Variants in KIT observed in about 807,000 individuals in gnomAD.
KIT encodes mast/stem cell growth factor receptor Kit.
Under a neutral mutation model 105.7 loss-of-function variants are expected in KIT, and 16 were observed. That is an observed-to-expected ratio of 0.15 (90% CI 0.10 to 0.23). The LOEUF is 0.23. KIT is among the 10% of genes least tolerant of loss of function. The probability of loss-of-function intolerance (pLI) is 1.00; values close to 1 mark genes in which losing one functional copy is unlikely to be tolerated. For synonymous variants in KIT, 438 were observed against 441.1 expected, an observed-to-expected ratio of 0.99 and a Z score of 0.09; for missense variants, 858 against 1,213.8, an observed-to-expected ratio of 0.71 and a Z score of 4.36.
At chr4:54,715,748 A>T (rs1482482537) in intron 7 of KIT, among the ~76,000 whole-genome samples, 1 of 152,190 alleles carries the variant, frequency 6.6e-6, no homozygotes, top group Non-Finnish European at 1.5e-5. Context: ...GGGGACAAAT[A>T]TTCAAACTGT....
chr4:54,682,255 A>G (rs1336042041), intron 1 of KIT, among the ~76,000 whole-genome samples: 1 of 151,390 alleles, frequency 6.6e-6, no homozygotes, highest in African/African-American at 2.4e-5. Flanking sequence ...ATGCCTGACT[A>G]ATTTTTGTAT....
intron 7 of KIT, among the ~76,000 whole-genome samples, chr4:54,709,806 A>G (rs1005026409): frequency 2.6e-5 from 4 of 152,208 alleles, no homozygotes; most frequent in Admixed American, 2.6e-4. Context: ...AAACAAGTTG[A>G]ACATACAGTT....
chr4:54,682,812 C>T (rs187939513), intron 1 of KIT, among the ~76,000 whole-genome samples: 155 of 150,172 alleles, frequency 1.0e-3, no homozygotes, highest in African/African-American at 3.4e-3. Flanking sequence ...AGTGCAGTGA[C>T]GCAATCTCGG....
intron 2 of KIT, among the ~76,000 whole-genome samples, chr4:54,696,557 A>C (rs1421484698): frequency 6.6e-6 from 1 of 152,200 alleles, no homozygotes; most frequent in African/African-American, 2.4e-5. Flanking sequence ...CAGGCCTGAG[A>C]GGCCTTATCC....
chr4:54,688,890 G>A lies in KIT; in HGVS notation c.68-6622G>A, dbSNP rs73818385. Among the ~76,000 whole-genome samples, 771 of 152,324 alleles carry A rather than the reference G, an allele frequency of 5.1e-3. 6 individuals are homozygous for A. Among genetic ancestry groups the A allele is most frequent in the African/African-American group, 0.018 (749 of 41,570 alleles). On this transcript the variant is annotated intron_variant, in intron 1 of 20. Coordinates refer to ENST00000288135, the MANE Select transcript of KIT (RefSeq NM_000222.3). ...CTAGAATAGGCCTAATGGACAGCTA[G>A]GAGATGGACAGCTGCCTATCTTTTG...
At chr4:54,695,272 C>T (rs1312954997) in intron 1 of KIT, among the ~76,000 whole-genome samples, 1 of 152,172 alleles carries the variant, frequency 6.6e-6, no homozygotes, top group Admixed American at 6.5e-5. Context: ...GGGCATTCAG[C>T]ACATCCTGGC....
intron 1 of KIT, among the ~76,000 whole-genome samples, chr4:54,682,441 T>A (rs1719007715): frequency 6.6e-6 from 1 of 152,044 alleles, no homozygotes; most frequent in Non-Finnish European, 1.5e-5. Flanking sequence ...TTTTTCTTTT[T>A]TTTTTGAGGT....
At chr4:54,722,914 A>G (rs1048178567) in intron 7 of KIT, among the ~76,000 whole-genome samples, 2 of 145,848 alleles carry the variant, frequency 1.4e-5, no homozygotes, top group African/African-American at 5.0e-5. Context: ...CACGTTCATA[A>G]TATACATAAA....
At chr4:54,670,122 C>T (rs924872799) in intron 1 of KIT, among the ~76,000 whole-genome samples, 2 of 152,156 alleles carry the variant, frequency 1.3e-5, no homozygotes, top group African/African-American at 2.4e-5. Flanking sequence ...GGTGTCTTCA[C>T]TTTCAGGACC....
At position 54,736,749 on chromosome 4, in the gene KIT, C is replaced by G; in HGVS notation, c.2625C>G (p.Val875=). The G allele has an allele frequency of 6.2e-7, 1 of 1,614,102 alleles. No individual in the cohort carries two copies. Among genetic ancestry groups the G allele is most frequent in the Non-Finnish European group, 8.5e-7 (1 of 1,180,000 alleles). ...LGSSPYPGMP[V]DSKFYKMIKE... is the part of the protein sequence containing the mutation. ...GCAGCCCCTATCCTGGAATGCCGGT[C>G]GATTCTAAGTTCTACAAGATGATCA... Residue 875 remains valine, a synonymous_variant, in exon 19 of 21, where the codon GTC becomes GTG. Coordinates refer to ENST00000288135, the MANE Select transcript of KIT (RefSeq NM_000222.3).
At position 54,703,759 on chromosome 4, in the gene KIT, C is replaced by A. The variant is rs753102574; in HGVS notation, c.792C>A (p.His264Gln). ...KLQEKYNSWH[H>Q]GDFNYERQAT... Reference sequence around the variant, plus strand: ...AGGAGAAATATAATAGCTGGCATCACGGTGACTTCAATTATGAACGTCAGG... The same window carrying A: ...AGGAGAAATATAATAGCTGGCATCAAGGTGACTTCAATTATGAACGTCAGG... The change falls in exon 5 of 21, where the codon CAC becomes CAA. Residue 264 changes from histidine (H) to glutamine (Q), a missense_variant. By Grantham distance (24) the His-to-Gln change is conservative. Transcript: ENST00000288135. 3 of 1,613,602 alleles carry A rather than the reference C, an allele frequency of 1.9e-6. No individual in the cohort carries two copies.
chr4:54,661,715 A>G (rs990870322), intron 1 of KIT, among the ~76,000 whole-genome samples: 6 of 152,254 alleles, frequency 3.9e-5, no homozygotes, highest in Non-Finnish European at 7.3e-5. Flanking sequence ...ACTTGAATAG[A>G]TATTGCCACA....
intron 6 of KIT, among the ~76,000 whole-genome samples, chr4:54,708,704 G>T (rs1230681503): frequency 6.6e-6 from 1 of 152,018 alleles, no homozygotes; most frequent in Non-Finnish European, 1.5e-5. Flanking sequence ...CAGGGAGCTT[G>T]CATAGTGTGA....
chr4:54,730,496 C>T (rs1173177366), intron 14 of KIT, among the ~76,000 whole-genome samples: 2 of 151,958 alleles, frequency 1.3e-5, no homozygotes, highest in East Asian at 3.9e-4. Context: ...ATCCTATAAA[C>T]TTGAGTAGTT....
intron 1 of KIT, among the ~76,000 whole-genome samples, chr4:54,677,153 A>C (rs1466145608): frequency 6.6e-6 from 1 of 152,156 alleles, no homozygotes; most frequent in Non-Finnish European, 1.5e-5. Flanking sequence ...TGAATGGTGG[A>C]GCAGTCCTCA....
intron 7 of KIT, among the ~76,000 whole-genome samples, chr4:54,709,854 G>C (rs1160540108): frequency 2.6e-5 from 4 of 152,212 alleles, no homozygotes; most frequent in African/African-American, 7.2e-5. Context: ...TTGTTGGAAT[G>C]GGGGGCTAGT....
At chr4:54,697,633 A>G (rs1720162657) in intron 2 of KIT, among the ~76,000 whole-genome samples, 1 of 152,130 alleles carries the variant, frequency 6.6e-6, no homozygotes, top group Admixed American at 6.5e-5. Context: ...GTGCATTTGA[A>G]ATTATTTGAT....
chr4:54,737,816 T>C (rs764423478), intron 20 of KIT, among the ~76,000 whole-genome samples: 2 of 152,172 alleles, frequency 1.3e-5, no homozygotes, highest in Non-Finnish European at 2.9e-5. Context: ...TTGGGAAGTG[T>C]GGGGGAATGA....
At chr4:54,669,411 G>C (rs934771791) in intron 1 of KIT, among the ~76,000 whole-genome samples, 4 of 152,220 alleles carry the variant, frequency 2.6e-5, no homozygotes, top group Admixed American at 2.6e-4. Context: ...AGTGAGGTGG[G>C]TCCCCCACGG....
Sources: allele counts gnomAD v4.1 joint callset (sites outside exome capture counted in the v4.1 genomes callset), GRCh38; gene constraint gnomAD v4.1.1; transcripts MANE v1.5; gene names NCBI Gene and HGNC (gene_info 2026-07-23, HGNC 2026-07-21).